The following NTN1 variants were observed in gnomAD, a reference collection of about 807,000 sequenced individuals.
NTN1 encodes the protein netrin 1, also known as netrin-1.
Under a neutral mutation model 54.2 loss-of-function variants are expected in NTN1, and 11 were observed. The observed-to-expected ratio is 0.20, with a 90% CI of 0.13 to 0.34. The LOEUF is 0.34. NTN1 is among the 10% of genes least tolerant of loss of function. The pLI is 1.00. For synonymous variants in NTN1, 371 were observed against 382.0 expected, an observed-to-expected ratio of 0.97 and a Z score of 0.33; for missense variants, 740 against 893.1, an observed-to-expected ratio of 0.83 and a Z score of 2.18.
At chr17:9,208,650 C>T (rs1304957372) in intron 5 of NTN1, among the ~76,000 whole-genome samples, 1 of 152,204 alleles carries the variant, frequency 6.6e-6, no homozygotes, top group Non-Finnish European at 1.5e-5. Context: ...TCATGGCCTC[C>T]GGCTTCTCCT....
chr17:9,220,434 A>G (rs1905307351), intron 5 of NTN1, among the ~76,000 whole-genome samples: 1 of 152,128 alleles, frequency 6.6e-6, no homozygotes. Context: ...TGGCAGGGAA[A>G]AGCCATGGTT....
At chr17:9,112,355 A>C (rs2092194569) in intron 2 of NTN1, among the ~76,000 whole-genome samples, 1 of 152,232 alleles carries the variant, frequency 6.6e-6, no homozygotes, top group Admixed American at 6.5e-5. Flanking sequence ...ACCCCAAAAT[A>C]AATACTCAGG....
intron 3 of NTN1, chr17:9,179,129 C>G (rs760459954): frequency 3.9e-5 from 6 of 152,414 alleles, no homozygotes; most frequent in African/African-American, 7.2e-5. Context: ...TGGGAGTTTC[C>G]TTTACCTCTC....
upstream of NTN1, among the ~76,000 whole-genome samples, chr17:9,020,931 C>T (rs1248918608): frequency 1.3e-5 from 2 of 152,168 alleles, no homozygotes; most frequent in Non-Finnish European, 2.9e-5. Context: ...CTCGCCGGAC[C>T]CCGGGGGCTT....
At chr17:9,074,685 T>C (rs1484009161) in intron 2 of NTN1, among the ~76,000 whole-genome samples, 1 of 152,190 alleles carries the variant, frequency 6.6e-6, no homozygotes, top group Non-Finnish European at 1.5e-5. Flanking sequence ...TCTTGTTACT[T>C]TACGGCCTCA....
chr17:9,042,979 C>A (rs1003800426), intron 2 of NTN1, among the ~76,000 whole-genome samples: 1 of 152,156 alleles, frequency 6.6e-6, no homozygotes, highest in African/African-American at 2.4e-5. Context: ...AGCCCTGTGT[C>A]ATTTTTGAAA....
chr17:9,181,260 G>A (rs2092418217), intron 4 of NTN1, among the ~76,000 whole-genome samples: 1 of 152,184 alleles, frequency 6.6e-6, no homozygotes, highest in African/African-American at 2.4e-5. Flanking sequence ...CCCGAGGGAA[G>A]AGCTACAGGT....
At chr17:9,199,568 G>A (rs1318180574) in intron 5 of NTN1, among the ~76,000 whole-genome samples, 1 of 152,278 alleles carries the variant, frequency 6.6e-6, no homozygotes, top group African/African-American at 2.4e-5. Context: ...GCCTGTCATT[G>A]TGGGTTTCTC....
intron 2 of NTN1, among the ~76,000 whole-genome samples, chr17:9,144,846 T>A (rs2092308677): frequency 6.6e-6 from 1 of 152,272 alleles, no homozygotes; most frequent in East Asian, 1.9e-4. Context: ...CAAGTTAATT[T>A]GCCTTCCAGA....
At position 9,221,145 on chromosome 17, in the gene NTN1, G is replaced by GCCC. The variant is rs368559493; in HGVS notation, c.1412-22_1412-21insCCC. The GCCC allele has an allele frequency of 3.5e-5, 52 of 1,504,176 alleles. No homozygotes were observed. The African/African-American group carries it at 4.8e-4, about 14-fold the overall frequency. 93.2% of individuals were successfully genotyped at this position (1,504,176 alleles called of 1,614,324 possible). A position where few individuals can be genotyped will look rare whatever the true frequency, so the allele number is the denominator to read the frequency against. On this transcript the variant is annotated intron_variant, in intron 5 of 6. Coordinates refer to ENST00000173229, the MANE Select transcript of NTN1 (RefSeq NM_004822.3). The surrounding 1 kb of genome is among the most constrained non-coding windows in gnomAD (Gnocchi z 4.5). ...GCCAGCCTAATTAGTTTTTGTCTGTGCTCCCCCCCCACCCCCCTGCAGACT... is the reference window on the plus strand; with the variant it reads ...GCCAGCCTAATTAGTTTTTGTCTGTGCCCCTCCCCCCCCACCCCCCTGCAGACT...
intron 2 of NTN1, among the ~76,000 whole-genome samples, chr17:9,094,597 T>G (rs1359473992): frequency 6.6e-6 from 1 of 152,182 alleles, no homozygotes; most frequent in Non-Finnish European, 1.5e-5. Flanking sequence ...TACTTATTTG[T>G]GTTTCCATCA....
At chr17:9,091,262 CTA>C (rs1445797819) in intron 2 of NTN1, among the ~76,000 whole-genome samples, 2 of 152,022 alleles carry the variant, frequency 1.3e-5, no homozygotes, top group Non-Finnish European at 2.9e-5. Flanking sequence ...CCATTTTTCT[CTA>C]TGTTTTAGAG....
At chr17:9,202,701 CA>C (rs1430956384) in intron 5 of NTN1, among the ~76,000 whole-genome samples, 1 of 152,098 alleles carries the variant, frequency 6.6e-6, no homozygotes, top group Non-Finnish European at 1.5e-5. Context: ...AAATCTCTTC[CA>C]AATGTATCAC....
intron 2 of NTN1, among the ~76,000 whole-genome samples, chr17:9,090,608 A>C (rs1226288110): frequency 6.6e-6 from 1 of 152,116 alleles, no homozygotes; most frequent in African/African-American, 2.4e-5. Context: ...AAAGGCTGAG[A>C]GTGCAGGAGG....
rs753689378 is a variant in NTN1 at position 9,130,419 on chromosome 17, G to A, written c.1019-32394G>A. ...TTCCCTCCCTTTCCTGAGTACTGGG[G>A]GAGGTGATTAAAGATCAGGTGTGAG... On this transcript the variant is annotated intron_variant, in intron 2 of 6. Coordinates refer to ENST00000173229, the MANE Select transcript of NTN1 (RefSeq NM_004822.3). 4.6e-5 allele frequency among the ~76,000 whole-genome samples: 7 copies of A among 152,074 alleles called. 1 individual carries two copies. Among genetic ancestry groups the A allele is most frequent in the Non-Finnish European group, 8.8e-5 (6 of 67,998 alleles).
At chr17:9,196,869 G>A (rs1250709941) in intron 5 of NTN1, among the ~76,000 whole-genome samples, 1 of 152,154 alleles carries the variant, frequency 6.6e-6, no homozygotes, top group Non-Finnish European at 1.5e-5. Flanking sequence ...AAACTTGGTG[G>A]TGTTGGAGCC....
chr17:9,146,111 A>T (rs2092312592), intron 2 of NTN1, among the ~76,000 whole-genome samples: 1 of 152,176 alleles, frequency 6.6e-6, no homozygotes, highest in African/African-American at 2.4e-5. Flanking sequence ...CACATTCCTC[A>T]GTTCTCTTCC....
At chr17:9,104,743 G>A (rs1298639059) in intron 2 of NTN1, among the ~76,000 whole-genome samples, 1 of 152,212 alleles carries the variant, frequency 6.6e-6, no homozygotes, top group Non-Finnish European at 1.5e-5. Context: ...AACTTGCACA[G>A]CTTTCCCGTC....
chr17:9,222,394 C>CG (rs1246801554), intron 6 of NTN1, among the ~76,000 whole-genome samples: 1 of 152,224 alleles, frequency 6.6e-6, no homozygotes, highest in African/African-American at 2.4e-5. Context: ...TGCTCAGCTT[C>CG]CCAAGGCTGT....
Sources: allele counts gnomAD v4.1 joint callset (sites outside exome capture counted in the v4.1 genomes callset), GRCh38; gene constraint gnomAD v4.1.1; non-coding constraint Gnocchi (gnomAD v3.1); transcripts MANE v1.5; gene names NCBI Gene and HGNC (gene_info 2026-07-23, HGNC 2026-07-21).